MYO3B: variants seen among roughly 807,000 people sequenced by gnomAD.
MYO3B encodes the protein myosin IIIB, also known as myosin-IIIb.
MYO3B carries 156 observed loss-of-function variants against 174.6 expected under a neutral mutation model. The observed-to-expected ratio is 0.89, with a 90% CI of 0.78 to 1.02. MYO3B has a LOEUF of 1.02. MYO3B is among the 50% of genes least tolerant of loss of function. MYO3B has a pLI of 0.00. For missense variants in MYO3B, 1,632 were observed against 1,639.4 expected (o/e 1.00, Z 0.08); for synonymous variants, 563 against 569.1 (o/e 0.99, Z 0.15).
At chr2:170,308,846 G>A (rs1414333242) in intron 7 of MYO3B, among the ~76,000 whole-genome samples, 1 of 152,006 alleles carries the variant, frequency 6.6e-6, no homozygotes, top group African/African-American at 2.4e-5. Flanking sequence ...TTAGAAGGGG[G>A]GACACAAATT....
At chr2:170,515,147 T>C in intron 29 of MYO3B, 125 bp downstream of exon 29, 1 of 759,382 alleles carries the variant, frequency 1.3e-6, no homozygotes, top group Middle Eastern at 3.4e-4. Context: ...CTTTTTTCTA[T>C]AGGTGACAGC....
At chr2:170,190,664 A>G (rs2092529462) in intron 1 of MYO3B, among the ~76,000 whole-genome samples, 1 of 152,082 alleles carries the variant, frequency 6.6e-6, no homozygotes, top group Admixed American at 6.5e-5. Context: ...ACTACAGCCA[A>G]TGTTCATTCA....
chr2:170,410,622 C>T (rs923036891), intron 22 of MYO3B, among the ~76,000 whole-genome samples: 3 of 147,474 alleles, frequency 2.0e-5, no homozygotes, highest in African/African-American at 7.5e-5. Flanking sequence ...CTTGGGAAAC[C>T]TTAGAGGCAA....
intron 32 of MYO3B, among the ~76,000 whole-genome samples, chr2:170,560,442 G>A (rs989146161): frequency 3.9e-5 from 6 of 152,176 alleles, no homozygotes; most frequent in Non-Finnish European, 2.9e-5. Context: ...AATTAGAACA[G>A]CCAGTCTACC....
intron 32 of MYO3B, among the ~76,000 whole-genome samples, chr2:170,627,783 C>G (rs1696582395): frequency 2.0e-5 from 3 of 152,220 alleles, no homozygotes; most frequent in Admixed American, 2.0e-4. Context: ...GGACCTTCAG[C>G]TGCAGGTCTG....
chr2:170,308,920 C>A (rs1409805731), intron 7 of MYO3B, among the ~76,000 whole-genome samples: 2 of 152,074 alleles, frequency 1.3e-5, no homozygotes, highest in Non-Finnish European at 2.9e-5. Flanking sequence ...TAAAATTAAA[C>A]AATAGGAAGT....
intron 7 of MYO3B, among the ~76,000 whole-genome samples, chr2:170,335,183 T>C (rs1209796442): frequency 1.3e-5 from 2 of 152,178 alleles, no homozygotes; most frequent in Non-Finnish European, 1.5e-5. Flanking sequence ...GCCAGGGACA[T>C]AGTAGGTCTT....
At chr2:170,493,327 CTCTT>C (rs1686611756) in intron 25 of MYO3B, among the ~76,000 whole-genome samples, 1 of 152,014 alleles carries the variant, frequency 6.6e-6, no homozygotes, top group African/African-American at 2.4e-5. Context: ...TTTAACTTTA[CTCTT>C]TCTTGTTTTT....
chr2:170,353,019 T>C (rs2094088709), intron 8 of MYO3B, among the ~76,000 whole-genome samples: 1 of 152,210 alleles, frequency 6.6e-6, no homozygotes, highest in South Asian at 2.1e-4. Context: ...AAAGTAAACA[T>C]ATGCTTACCG....
intron 22 of MYO3B, among the ~76,000 whole-genome samples, chr2:170,432,258 C>T (rs891210120): frequency 1.3e-5 from 2 of 151,796 alleles, no homozygotes; most frequent in African/African-American, 4.8e-5. Flanking sequence ...GTGTTATTGC[C>T]CCATAGACCT....
intron 7 of MYO3B, among the ~76,000 whole-genome samples, chr2:170,283,410 G>A (rs1376021487): frequency 6.6e-6 from 1 of 152,090 alleles, no homozygotes; most frequent in Non-Finnish European, 1.5e-5. Context: ...TTACTTATAT[G>A]TTCTATTTAA....
In MYO3B at chr2:170,498,592, G is replaced by A; in HGVS notation, c.3015G>A (p.Arg1005=). The A allele has an allele frequency of 1.2e-6, 2 of 1,608,646 alleles. No individual in the cohort carries two copies. Among genetic ancestry groups the A allele is most frequent in the Non-Finnish European group, 1.7e-6 (2 of 1,175,268 alleles). Residue 1005 remains arginine (R), a splice_region_variant and synonymous_variant, in exon 26 of 35, where the codon AGG becomes AGA. Coordinates refer to ENST00000408978, the MANE Select transcript of MYO3B (RefSeq NM_138995.5). ...TTCACTTAATTCTTTTATTTTGCAG[G>A]TATTATTACTTGGCATTCACAGCAC... ...HRILFEEFVK[R]YYYLAFTAHQ...
At chr2:170,489,230 A>G (rs1202092446) in intron 25 of MYO3B, among the ~76,000 whole-genome samples, 2 of 152,130 alleles carry the variant, frequency 1.3e-5, no homozygotes, top group Non-Finnish European at 1.5e-5. Context: ...TTTTTTATCA[A>G]TGATTTTAAG....
In MYO3B at chr2:170,369,345, C is replaced by T. The variant is rs1574862040; in HGVS notation, c.939C>T (p.Asp313=). Residue 313 remains aspartate (D), a synonymous_variant, in exon 9 of 35, where the codon GAC becomes GAT. Coordinates refer to ENST00000408978, the MANE Select transcript of MYO3B (RefSeq NM_138995.5). The part of the protein sequence containing the change: ...LQKQLAKVLQ[D]QKHQNPVAKT... ...AACAGCTGGCCAAGGTTCTCCAAGACCAGAAGCATCAAAATCCTGTTGCTA... is the reference window on the plus strand; with the variant it reads ...AACAGCTGGCCAAGGTTCTCCAAGATCAGAAGCATCAAAATCCTGTTGCTA... 2.5e-6 allele frequency: 4 copies of T among 1,613,324 alleles called. No individual in the cohort carries two copies. The highest frequency in any genetic ancestry group is 2.5e-6 in the Non-Finnish European group (3 of 1,179,434).
At chr2:170,584,562 C>T (rs1397311733) in intron 32 of MYO3B, among the ~76,000 whole-genome samples, 1 of 152,122 alleles carries the variant, frequency 6.6e-6, no homozygotes, top group African/African-American at 2.4e-5. Flanking sequence ...TGTTTTTTCC[C>T]CCATTAAGTG....
chr2:170,628,050 G>A (rs2105366367), intron 32 of MYO3B, among the ~76,000 whole-genome samples: 1 of 152,302 alleles, frequency 6.6e-6, no homozygotes, highest in South Asian at 2.1e-4. Flanking sequence ...TCTGTGCTGG[G>A]AGAACCACTA....
chr2:170,328,829 C>T (rs1015601921), intron 7 of MYO3B, among the ~76,000 whole-genome samples: 2 of 151,566 alleles, frequency 1.3e-5, no homozygotes, highest in South Asian at 4.2e-4. Context: ...GTGTATAATC[C>T]CATTTCTATT....
intron 7 of MYO3B, among the ~76,000 whole-genome samples, chr2:170,317,553 C>T (rs1401324901): frequency 6.6e-6 from 1 of 152,020 alleles, no homozygotes; most frequent in Non-Finnish European, 1.5e-5. Flanking sequence ...TTGATTTGTC[C>T]CTTATCCTCA....
At chr2:170,556,163 T>A (rs1691274944) in intron 32 of MYO3B, among the ~76,000 whole-genome samples, 1 of 151,040 alleles carries the variant, frequency 6.6e-6, no homozygotes, top group Non-Finnish European at 1.5e-5. Flanking sequence ...GCCATTGAAC[T>A]CCAGCCTGGG....
Sources: allele counts gnomAD v4.1 joint callset (sites outside exome capture counted in the v4.1 genomes callset), GRCh38; gene constraint gnomAD v4.1.1; transcripts MANE v1.5; gene names NCBI Gene and HGNC (gene_info 2026-07-23, HGNC 2026-07-21).